Variants in LINGO2 observed in about 807,000 individuals in gnomAD.
The protein encoded by LINGO2 is leucine rich repeat and Ig domain containing 2.
Under a neutral mutation model 30.6 loss-of-function variants are expected in LINGO2, and 14 were observed. That is an observed-to-expected ratio of 0.46 (90% CI 0.30 to 0.72). The LOEUF is 0.72. Ranked by LOEUF, LINGO2 falls within the 30% of genes least tolerant of loss-of-function variation. The pLI is 0.07. For missense variants in LINGO2, 729 were observed against 751.7 expected, an observed-to-expected ratio of 0.97 and a Z score of 0.35; for synonymous variants, 317 against 288.5, an observed-to-expected ratio of 1.10 and a Z score of -1.00.
intron 5 of LINGO2, among the ~76,000 whole-genome samples, chr9:28,009,314 G>T (rs903679238): frequency 1.1e-4 from 17 of 150,570 alleles, no homozygotes; most frequent in Admixed American, 2.7e-4. Context: ...CATGATCCTG[G>T]GTTAGCTAAG....
the LINGO2 span, among the ~76,000 whole-genome samples, chr9:29,065,342 G>T: frequency 6.6e-6 from 1 of 151,964 alleles, no homozygotes; most frequent in Non-Finnish European, 1.5e-5. Context: ...TTGAATCTTT[G>T]CCAGGACCTA....
the LINGO2 span, among the ~76,000 whole-genome samples, chr9:28,981,945 T>C: frequency 6.6e-6 from 1 of 152,066 alleles, no homozygotes; most frequent in African/African-American, 2.4e-5. Flanking sequence ...TTCCTCAAGA[T>C]CACACTTTGA....
chr9:28,962,163 A>G, the LINGO2 span, among the ~76,000 whole-genome samples: 1 of 152,218 alleles, frequency 6.6e-6, no homozygotes, highest in East Asian at 1.9e-4. Flanking sequence ...TTTAAAGTCT[A>G]TTTCCTAAAA....
the LINGO2 span, among the ~76,000 whole-genome samples, chr9:28,988,051 G>C: frequency 2.0e-5 from 3 of 152,058 alleles, 1 homozygote; most frequent in Non-Finnish European, 4.4e-5. Flanking sequence ...GGTTCATTTG[G>C]CCTGAAGTGT....
intron 4 of LINGO2, among the ~76,000 whole-genome samples, chr9:28,192,664 G>A (rs17836433): frequency 0.078 from 11,860 of 152,084 alleles, 667 homozygotes; most frequent in East Asian, 0.2. Context: ...TGGTAACACC[G>A]CAATGTTCTA....
intron 1 of LINGO2, among the ~76,000 whole-genome samples, chr9:28,634,060 A>G (rs1720849222): frequency 6.6e-6 from 1 of 152,166 alleles, no homozygotes; most frequent in African/African-American, 2.4e-5. Flanking sequence ...ATTAAATGAG[A>G]GGGGCAGTGG....
chr9:28,224,569 T>C (rs1821082935), intron 4 of LINGO2, among the ~76,000 whole-genome samples: 2 of 152,350 alleles, frequency 1.3e-5, no homozygotes, highest in Non-Finnish European at 2.9e-5. Flanking sequence ...TATGATTCAC[T>C]GAAGTCACCC....
intron 4 of LINGO2, among the ~76,000 whole-genome samples, chr9:28,044,846 T>C (rs1335566817): frequency 6.6e-6 from 1 of 152,134 alleles, no homozygotes; most frequent in African/African-American, 2.4e-5. Context: ...AAGCTGAAAG[T>C]GCAGGGGTGG....
intron 3 of LINGO2, among the ~76,000 whole-genome samples, chr9:28,365,281 GA>G (rs1820616931): frequency 2.6e-5 from 4 of 152,144 alleles, no homozygotes; most frequent in African/African-American, 9.7e-5. Flanking sequence ...TCTAGAGGAA[GA>G]TCAGGATAGG....
intron 4 of LINGO2, among the ~76,000 whole-genome samples, chr9:28,193,752 A>G (rs1819905278): frequency 6.6e-6 from 1 of 152,184 alleles, no homozygotes; most frequent in Non-Finnish European, 1.5e-5. Context: ...AGAACTTTTG[A>G]CAGTTCTGGT....
At chr9:28,508,307 C>T (rs1347590568) in intron 1 of LINGO2, among the ~76,000 whole-genome samples, 3 of 151,980 alleles carry the variant, frequency 2.0e-5, no homozygotes, top group Non-Finnish European at 4.4e-5. Flanking sequence ...TTATTAAGTG[C>T]TCATTTGGAT....
Position 28,217,701 on chromosome 9 carries a change from A to T in LINGO2, c.-87+77507T>A, listed in dbSNP as rs1587248433. On this transcript the variant is annotated intron_variant, in intron 4 of 5. Coordinates refer to ENST00000379992, the Ensembl canonical transcript of LINGO2. The stretch of plus-strand genomic sequence containing the variant: ...CTTCACATTCTGACTCCCATAAAAG[A>T]TATTTGGTGACTTATAATGGGTCTT... Among the ~76,000 whole-genome samples the T allele has an allele frequency of 2.0e-5, 3 of 152,122 alleles. No individual in the cohort carries two copies. In the East Asian group the frequency reaches 5.8e-4, roughly 29 times the overall value.
intron 4 of LINGO2, among the ~76,000 whole-genome samples, chr9:28,233,063 A>ATATATAT (rs1308692360): frequency 1.1e-5 from 1 of 89,544 alleles, no homozygotes; most frequent in African/African-American, 5.6e-5. Context: ...TATATATATT[A>ATATATAT]GATATATAAT....
the LINGO2 span, among the ~76,000 whole-genome samples, chr9:28,783,903 T>C: frequency 3.9e-5 from 6 of 152,304 alleles, no homozygotes; most frequent in East Asian, 9.7e-4. Context: ...GATGGTCATC[T>C]TCTTGTTGCA....
chr9:28,221,027 C>G (rs922641733), intron 4 of LINGO2, among the ~76,000 whole-genome samples: 1 of 152,112 alleles, frequency 6.6e-6, no homozygotes, highest in East Asian at 1.9e-4. Context: ...AGGCCGGATG[C>G]GGTGGCTCAC....
intron 1 of LINGO2, among the ~76,000 whole-genome samples, chr9:28,559,229 T>C (rs552123918): frequency 6.6e-6 from 1 of 152,290 alleles, no homozygotes; most frequent in Admixed American, 6.5e-5. Context: ...GAGGGACTTT[T>C]CATGTTTTCA....
chr9:28,852,915 C>G, the LINGO2 span, among the ~76,000 whole-genome samples: 9 of 151,932 alleles, frequency 5.9e-5, no homozygotes, highest in African/African-American at 1.2e-4. Context: ...ATTTATAAAA[C>G]ACTCTCTGCT....
chr9:28,770,493 TTGCTATGTCATTTTACA>T, the LINGO2 span, among the ~76,000 whole-genome samples: 2 of 152,184 alleles, frequency 1.3e-5, no homozygotes, highest in Non-Finnish European at 2.9e-5. Context: ...CACTGTCTGG[TTGCTATGTCATTTTACA>T]TGAGGGTTTG....
chr9:28,536,061 C>T (rs1821426548), intron 1 of LINGO2, among the ~76,000 whole-genome samples: 1 of 151,900 alleles, frequency 6.6e-6, no homozygotes, highest in Admixed American at 6.6e-5. Context: ...TTTTTGGTCA[C>T]TTAAGATTCA....
Sources: allele counts gnomAD v4.1 joint callset (sites outside exome capture counted in the v4.1 genomes callset), GRCh38; gene constraint gnomAD v4.1.1; transcripts MANE v1.5; gene names NCBI Gene and HGNC (gene_info 2026-07-23, HGNC 2026-07-21).